Variants in C2CD2 observed in about 807,000 individuals in gnomAD.
The protein encoded by C2CD2 is C2 domain-containing protein 2.
C2CD2 carries 43 observed loss-of-function variants against 74.3 expected under a neutral mutation model. The observed-to-expected ratio is 0.58, with a 90% CI of 0.45 to 0.75. C2CD2 has a LOEUF of 0.75. Ranked by LOEUF, C2CD2 falls within the 30% of genes least tolerant of loss-of-function variation. C2CD2 has a pLI of 0.00. For synonymous variants in C2CD2, 422 were observed against 390.7 expected, an observed-to-expected ratio of 1.08 and a Z score of -0.94; for missense variants, 801 against 916.3, an observed-to-expected ratio of 0.87 and a Z score of 1.63.
At chr21:41,937,269 A>C (rs1250785464) in intron 2 of C2CD2, among the ~76,000 whole-genome samples, 1 of 151,344 alleles carries the variant, frequency 6.6e-6, no homozygotes, top group Non-Finnish European at 1.5e-5. Context: ...GGCACCCATC[A>C]CCACGCTCGG....
intron 1 of C2CD2, 41 bp downstream of exon 1, chr21:41,953,329 C>T (rs1245809741): frequency 1.5e-6 from 2 of 1,329,090 alleles, no homozygotes; most frequent in African/African-American, 1.5e-5. Context: ...CCGCCCGCCC[C>T]GGCATCTGCC....
At chr21:41,919,048 G>T (rs982112934) in intron 3 of C2CD2, 88 bp from the exon 4 acceptor site, 9 of 756,948 alleles carry the variant, frequency 1.2e-5, no homozygotes, top group African/African-American at 1.8e-5. Flanking sequence ...GTGAGCATGT[G>T]TGTGTGCATA....
chr21:41,929,167 G>A lies in C2CD2; in HGVS notation c.379-7082C>T, dbSNP rs2065242490. 6.6e-6 allele frequency among the ~76,000 whole-genome samples: 1 copy of A among 152,046 alleles called. No individual in the cohort carries two copies. The highest frequency in any genetic ancestry group is 6.5e-5 in the Admixed American group (1 of 15,270). ...CTAATGGCATGGTTTATTTTGTGCT[G>A]TGGTTGGAGCTAGATTCTGGAGGCC... On this transcript the variant is annotated intron_variant, in intron 2 of 13. Coordinates refer to ENST00000380486, the MANE Select transcript of C2CD2 (RefSeq NM_015500.2). The surrounding 1 kb of genome is among the most constrained non-coding windows in gnomAD (Gnocchi z 4.6).
Position 41,892,757 on chromosome 21 carries a change from C to T in C2CD2, c.1871-3413G>A, listed in dbSNP as rs763718294. Among the ~76,000 whole-genome samples the T allele has an allele frequency of 2.0e-5, 3 of 152,374 alleles. No individual in the cohort carries two copies. Among genetic ancestry groups the T allele is most frequent in the African/African-American group, 2.4e-5 (1 of 41,588 alleles). The stretch of plus-strand genomic sequence containing the variant: ...AAATGCCACTAGTGCTTAGAGCACT[C>T]GGAGGCCACAGCCGACAACGCAGGA... On this transcript the variant is annotated intron_variant, in intron 13 of 13. Coordinates refer to ENST00000380486, the MANE Select transcript of C2CD2 (RefSeq NM_015500.2). The surrounding 1 kb of genome is among the most constrained non-coding windows in gnomAD (Gnocchi z 4.6).
In C2CD2 at chr21:41,924,376, A is replaced by T. The variant is rs1382750059; in HGVS notation, c.379-2291T>A. Among the ~76,000 whole-genome samples the T allele has an allele frequency of 6.6e-6, 1 of 152,244 alleles. No homozygotes were observed. The highest frequency in any genetic ancestry group is 1.5e-5 in the Non-Finnish European group (1 of 68,050). On this transcript the variant is annotated intron_variant, in intron 2 of 13. Transcript: ENST00000380486. The surrounding 1 kb of genome is among the most constrained non-coding windows in gnomAD (Gnocchi z 4.4). ...ACCTCAATGCCACAGAGCTAGAAAA[A>T]GAAAATCCTGCCTTCTCTCAATATT... is the stretch of plus-strand genomic sequence containing the variant.
Position 41,897,689 on chromosome 21 carries a change from C to T in C2CD2, c.1870+1364G>A, listed in dbSNP as rs547769477. ...CCATTTCCCCCAACACCTATCACGACTCTGCACTGGCAAGGAGGGGGGCAT... is the reference window on the plus strand; with the variant it reads ...CCATTTCCCCCAACACCTATCACGATTCTGCACTGGCAAGGAGGGGGGCAT... On this transcript the variant is annotated intron_variant, in intron 13 of 13. Transcript: ENST00000380486. 5.4e-4 allele frequency among the ~76,000 whole-genome samples: 83 copies of T among 152,336 alleles called. No individual in the cohort carries two copies. In the South Asian group the frequency reaches 0.017, roughly 32 times the overall value.
Position 41,888,439 on chromosome 21 carries a change from T to C in C2CD2, c.*685A>G, listed in dbSNP as rs1181477968. 1 of 152,646 alleles carries C rather than the reference T, an allele frequency of 6.6e-6. No individual in the cohort carries two copies. Among genetic ancestry groups the C allele is most frequent in the Non-Finnish European group, 1.5e-5 (1 of 68,074 alleles). The allele number at this position is 152,646 out of a possible 1,614,324, so 9.5% of individuals were successfully genotyped here. ...AATATATATATCTTCCACTTGCAAG[T>C]AGGCTCAAAGTAAACTTAGAAAAGT... On this transcript the variant is annotated 3_prime_UTR_variant, in exon 14 of 14. Coordinates refer to ENST00000380486, the MANE Select transcript of C2CD2 (RefSeq NM_015500.2).
In C2CD2 at chr21:41,886,328, A is replaced by T. The variant is rs1219244769; in HGVS notation, c.*2796T>A. 1 of 152,244 alleles carries T rather than the reference A, an allele frequency of 6.6e-6. No individual in the cohort carries two copies. Among genetic ancestry groups the T allele is most frequent in the African/African-American group, 2.4e-5 (1 of 41,462 alleles). The allele number at this position is 152,244 out of a possible 1,614,324, so 9.4% of individuals were successfully genotyped here. A position where few individuals can be genotyped will look rare whatever the true frequency, so the allele number is the denominator to read the frequency against. On this transcript the variant is annotated 3_prime_UTR_variant, in exon 14 of 14. Coordinates refer to ENST00000380486, the MANE Select transcript of C2CD2 (RefSeq NM_015500.2). ...TCAGTATTTTTAGCATTTGGTGGAT[A>T]ATCTTAATTTATCTTTAACCTTCAC...
chr21:41,897,944 C>A (rs998544811), intron 13 of C2CD2, among the ~76,000 whole-genome samples: 1 of 152,236 alleles, frequency 6.6e-6, no homozygotes, highest in African/African-American at 2.4e-5. Flanking sequence ...ATGCCGACTG[C>A]ACCCCAGACT....
chr21:41,953,281 G>T, intron 1 of C2CD2, 89 bp downstream of exon 1: 1 of 852,742 alleles, frequency 1.2e-6, no homozygotes, highest in Non-Finnish European at 1.7e-6. Context: ...CTGGGTCAGG[G>T]GCTGCAGCGA....
At chr21:41,907,842 G>A (rs2064982582) in intron 8 of C2CD2, 58 bp from the exon 9 acceptor site, 4 of 1,601,736 alleles carry the variant, frequency 2.5e-6, no homozygotes, top group South Asian at 1.1e-5. Flanking sequence ...CTTCCGTGAG[G>A]ACGGAAAGGC....
chr21:41,919,918 G>A (rs1181808940), intron 3 of C2CD2, among the ~76,000 whole-genome samples: 1 of 152,194 alleles, frequency 6.6e-6, no homozygotes, highest in Non-Finnish European at 1.5e-5. Context: ...AGAGCCCAGT[G>A]GAAACACCTG....
chr21:41,914,678 G>A lies in C2CD2; in HGVS notation c.764C>T (p.Pro255Leu). The change falls in exon 6 of 14, where the codon CCT (proline) becomes CTT (leucine). Residue 255 changes from proline (P) to leucine (L), a missense_variant. Coordinates refer to ENST00000380486, the MANE Select transcript of C2CD2 (RefSeq NM_015500.2). ...AASTAQESCP[P>L]KPPRAHELKL... ...CAGCTCGTGAGCCCTTGGAGGTTTAGGAGGACAGGATTCCTGAGCAGTAGA... is the reference window on the plus strand; with the variant it reads ...CAGCTCGTGAGCCCTTGGAGGTTTAAGAGGACAGGATTCCTGAGCAGTAGA... 6.2e-7 allele frequency: 1 copy of A among 1,613,678 alleles called. No individual in the cohort carries two copies. Among genetic ancestry groups the A allele is most frequent in the African/African-American group, 1.3e-5 (1 of 75,042 alleles).
At chr21:41,944,554 A>G (rs971616107) in intron 1 of C2CD2, among the ~76,000 whole-genome samples, 1 of 150,834 alleles carries the variant, frequency 6.6e-6, no homozygotes, top group Non-Finnish European at 1.5e-5. Context: ...AAAAGAAAAG[A>G]GTTTGCTGGA....
chr21:41,889,144 G>A lies in C2CD2; in HGVS notation c.2071C>T (p.Pro691Ser), dbSNP rs1351453525. 5.6e-6 allele frequency: 9 copies of A among 1,612,202 alleles called. No homozygotes were observed. Among genetic ancestry groups the A allele is most frequent in the Non-Finnish European group, 7.6e-6 (9 of 1,179,952 alleles). ...HRNKNTMNGA[P>S]VEPCT ...AGGCCCTACGTGCAGGGCTCCACGGGGGCACCGTTCATGGTGTTCTTGTTT... is the reference window on the plus strand; with the variant it reads ...AGGCCCTACGTGCAGGGCTCCACGGAGGCACCGTTCATGGTGTTCTTGTTT... Residue 691 changes from proline to serine, a missense_variant, in exon 14 of 14, where the codon CCC (proline) becomes TCC (serine). Transcript: ENST00000380486.
chr21:41,914,817 G>A, intron 5 of C2CD2, 96 bp from the exon 6 acceptor site: 2 of 1,087,280 alleles, frequency 1.8e-6, no homozygotes, highest in Non-Finnish European at 2.6e-6. Context: ...GGTGGTGGCA[G>A]TGGGGTGTCT....
chr21:41,949,692 T>C (rs1477376670), intron 1 of C2CD2, among the ~76,000 whole-genome samples: 1 of 152,222 alleles, frequency 6.6e-6, no homozygotes, highest in Non-Finnish European at 1.5e-5. Context: ...CATGCACACA[T>C]GTTTATTGCA....
chr21:41,930,517 A>G (rs553657726), intron 2 of C2CD2, among the ~76,000 whole-genome samples: 29 of 149,810 alleles, frequency 1.9e-4, no homozygotes, highest in African/African-American at 6.5e-4. Flanking sequence ...CCTGGCTAAC[A>G]TGGTGAAACT....
In C2CD2 at chr21:41,953,825, A is replaced by T. The variant is rs1182267272; in HGVS notation, c.-177T>A. Reference sequence around the variant, plus strand: ...CCTCTGGGCGGGCAAGCGGGGAGGAAACGCGCGGCGGCCGCGGCCCGGGCT... The same window carrying T: ...CCTCTGGGCGGGCAAGCGGGGAGGATACGCGCGGCGGCCGCGGCCCGGGCT... On this transcript the variant is annotated 5_prime_UTR_variant, in exon 1 of 14. Coordinates refer to ENST00000380486, the MANE Select transcript of C2CD2 (RefSeq NM_015500.2). The T allele has an allele frequency of 4.5e-6, 2 of 445,422 alleles. No homozygotes were observed. The highest frequency in any genetic ancestry group is 6.9e-6 in the Non-Finnish European group (2 of 290,780). 27.6% of individuals were successfully genotyped at this position (445,422 alleles called of 1,614,324 possible). A position where few individuals can be genotyped will look rare whatever the true frequency, so the allele number is the denominator to read the frequency against.
Sources: allele counts gnomAD v4.1 joint callset (sites outside exome capture counted in the v4.1 genomes callset), GRCh38; gene constraint gnomAD v4.1.1; non-coding constraint Gnocchi (gnomAD v3.1); transcripts MANE v1.5; gene names NCBI Gene and HGNC (gene_info 2026-07-23, HGNC 2026-07-21).